Variants in RHBDF2 observed in about 807,000 individuals in gnomAD.
The protein encoded by RHBDF2 is inactive rhomboid protein 2.
A neutral mutation model predicts 95.2 loss-of-function variants in RHBDF2; 38 were observed. That is an observed-to-expected ratio of 0.40 (90% CI 0.31 to 0.52). RHBDF2 has a LOEUF of 0.52. Ranked by LOEUF, RHBDF2 falls within the 20% of genes least tolerant of loss-of-function variation. The probability of loss-of-function intolerance (pLI) is 0.56; values close to 1 mark genes in which losing one functional copy is unlikely to be tolerated. For synonymous variants in RHBDF2, 442 were observed against 462.0 expected (o/e 0.96, Z 0.55); for missense variants, 863 against 1,137.7 (o/e 0.76, Z 3.47).
At chr17:76,481,283 C>G in intron 3 of RHBDF2, 92 bp downstream of exon 3, 1 of 1,407,656 alleles carries the variant, frequency 7.1e-7, no homozygotes, top group Admixed American at 2.1e-5. Context: ...CAGGAAGGAG[C>G]CCCTCTGGGA....
Position 76,472,755 on chromosome 17 carries a change from G to A in RHBDF2, c.1995C>T (p.Ala665=). ...TGATGCCACTGAGGATGAAGATGAT[G>A]GCGATACGGTGCCAGCCGGCCAGCT... ...LEKLAGWHRI[A]IIFILSGITG... Residue 665 remains alanine, a synonymous_variant, in exon 18 of 19, where the codon GCC becomes GCT. Coordinates refer to ENST00000675367, the MANE Select transcript of RHBDF2 (RefSeq NM_001005498.4). 2 of 1,613,816 alleles carry A rather than the reference G, an allele frequency of 1.2e-6. No individual in the cohort carries two copies. Among genetic ancestry groups the A allele is most frequent in the East Asian group, 2.2e-5 (1 of 44,876 alleles).
At chr17:76,488,376 T>C (rs1341011983) in intron 1 of RHBDF2, among the ~76,000 whole-genome samples, 2 of 151,752 alleles carry the variant, frequency 1.3e-5, no homozygotes, top group African/African-American at 4.8e-5. Flanking sequence ...GGTGCACACC[T>C]TTAGTCCCAG....
rs748007655 is a variant in RHBDF2 at position 76,474,126 on chromosome 17, A to G, written c.1481T>C (p.Phe494Ser). 1.9e-6 allele frequency: 3 copies of G among 1,586,302 alleles called. No homozygotes were observed. Among genetic ancestry groups the G allele is most frequent in the South Asian group, 1.1e-5 (1 of 87,628 alleles). Residue 494 changes from phenylalanine to serine, a missense_variant, in exon 13 of 19, where the codon TTT becomes TCT. Phe to Ser is a radical substitution (Grantham distance 155, BLOSUM62 -2). This residue lies in a region of RHBDF2 where 611 missense variants were observed against 725.5 expected (regional missense o/e 0.84). Coordinates refer to ENST00000675367, the MANE Select transcript of RHBDF2 (RefSeq NM_001005498.4). Reference sequence around the variant, plus strand: ...CCCAGTGTCATCCTGCCACTTGACAAAAGTGGCCAAAGTCTCCTGGAGGGC... The same window carrying G: ...CCCAGTGTCATCCTGCCACTTGACAGAAGTGGCCAAAGTCTCCTGGAGGGC... ...RKDCSETLAT[F>S]VKWQDDTGPP... is the part of the protein sequence containing the mutation.
intron 7 of RHBDF2, 56 bp downstream of exon 7, chr17:76,477,601 C>G (rs1001789651): frequency 4.7e-5 from 75 of 1,579,734 alleles, no homozygotes; most frequent in Non-Finnish European, 6.4e-5. Context: ...AAGGTCACCT[C>G]ACCCAGCTCC....
chr17:76,489,323 C>CCG (rs1472057047), intron 1 of RHBDF2, among the ~76,000 whole-genome samples: 1 of 110,534 alleles, frequency 9.0e-6, no homozygotes, highest in Non-Finnish European at 2.0e-5. Flanking sequence ...AGGGGCATTC[C>CCG]TGTTTTTTTT....
At chr17:76,488,496 C>T (rs12453241) in intron 1 of RHBDF2, among the ~76,000 whole-genome samples, 75,324 of 150,682 alleles carry the variant, frequency 0.5, 20,660 homozygotes, top group Middle Eastern at 0.67. Context: ...GGAGACTCTG[C>T]CTCAAAAAAC....
intron 2 of RHBDF2, among the ~76,000 whole-genome samples, chr17:76,484,810 G>A (rs1312371416): frequency 6.6e-6 from 1 of 152,178 alleles, no homozygotes; most frequent in Non-Finnish European, 1.5e-5. Context: ...AAGCTCTGCT[G>A]GGGGTGGGGT....
At chr17:76,473,451 A>C (rs745510100) in intron 15 of RHBDF2, 124 bp from the exon 16 acceptor site, 2 of 1,015,920 alleles carry the variant, frequency 2.0e-6, no homozygotes, top group Non-Finnish European at 3.0e-6. Flanking sequence ...CCGCATCCAG[A>C]ACCTTCGACT....
chr17:76,477,529 C>A lies in RHBDF2; in HGVS notation c.801+128G>T. The A allele has an allele frequency of 4.2e-6, 5 of 1,198,458 alleles. No homozygotes were observed. The South Asian group carries it at 6.9e-5, about 16-fold the overall frequency. 74.2% of individuals were successfully genotyped at this position (1,198,458 alleles called of 1,614,324 possible). A position where few individuals can be genotyped will look rare whatever the true frequency, so the allele number is the denominator to read the frequency against. On this transcript the variant is annotated intron_variant, in intron 7 of 18. Coordinates refer to ENST00000675367, the MANE Select transcript of RHBDF2 (RefSeq NM_001005498.4). ...GGGGCCCAGCAGCTCCACATAGGAC[C>A]ATGCCACATCCCAGCAGTGGGCCTC...
Position 76,471,660 on chromosome 17 carries a change from C to T in RHBDF2, c.2457G>A (p.Lys819=). The T allele has an allele frequency of 6.2e-7, 1 of 1,607,902 alleles. No individual in the cohort carries two copies. The highest frequency in any genetic ancestry group is 8.5e-7 in the Non-Finnish European group (1 of 1,177,134). Residue 819 remains lysine, a synonymous_variant, in exon 19 of 19, where the codon AAG becomes AAA. Coordinates refer to ENST00000675367, the MANE Select transcript of RHBDF2 (RefSeq NM_001005498.4). The stretch of plus-strand genomic sequence containing the variant: ...AGTGCAGCACCTGGTCCAGCTCATA[C>T]TTCTCGCAGAAGCGGCTGGTGAAGG... ...CFPFTSRFCE[K]YELDQVLH
chr17:76,477,315 G>A lies in RHBDF2; in HGVS notation c.802-17C>T. ...CATTTCTTCCTGGGGTGGGGGACAA[G>A]AAAATACAGTGTAAGGAGTCTGTCC... On this transcript the variant is annotated splice_polypyrimidine_tract_variant and intron_variant, in intron 7 of 18. Coordinates refer to ENST00000675367, the MANE Select transcript of RHBDF2 (RefSeq NM_001005498.4). 6.2e-7 allele frequency: 1 copy of A among 1,609,990 alleles called. No individual in the cohort carries two copies. The highest frequency in any genetic ancestry group is 1.3e-5 in the African/African-American group (1 of 74,948).
intron 15 of RHBDF2, 115 bp from the exon 16 acceptor site, chr17:76,473,442 C>A: frequency 3.7e-6 from 4 of 1,069,864 alleles, no homozygotes; most frequent in South Asian, 1.4e-5. Flanking sequence ...AGGGGGATGC[C>A]GCATCCAGAA....
intron 1 of RHBDF2, among the ~76,000 whole-genome samples, chr17:76,500,284 C>T (rs1839252455): frequency 6.6e-6 from 1 of 152,140 alleles, no homozygotes; most frequent in Non-Finnish European, 1.5e-5. Context: ...GTAACAACAA[C>T]ACTCACTTCC....
At chr17:76,485,205 C>T (rs956077620) in intron 2 of RHBDF2, among the ~76,000 whole-genome samples, 1 of 152,016 alleles carries the variant, frequency 6.6e-6, no homozygotes, top group Admixed American at 6.6e-5. Context: ...GTCGGGAGTT[C>T]GAGACCAGCC....
chr17:76,472,383 G>A (rs1201741358), intron 18 of RHBDF2: 14 of 585,556 alleles, frequency 2.4e-5, no homozygotes, highest in East Asian at 2.3e-4. Flanking sequence ...TCAGACTGCC[G>A]ACGGCGCACG....
chr17:76,480,115 C>T (rs2073921076), intron 3 of RHBDF2, among the ~76,000 whole-genome samples: 1 of 91,292 alleles, frequency 1.1e-5, no homozygotes, highest in South Asian at 4.0e-4. Flanking sequence ...TGGAATCTCA[C>T]TGTATTGTCC....
chr17:76,498,450 G>C lies in RHBDF2; in HGVS notation c.-220+2903C>G, dbSNP rs898839707. ...GGGAGAGGCAGCCAGGAGGGCACACGTCTTCCCTGTGCTGTGCCAGCGGCA... is the reference window on the plus strand; with the variant it reads ...GGGAGAGGCAGCCAGGAGGGCACACCTCTTCCCTGTGCTGTGCCAGCGGCA... On this transcript the variant is annotated intron_variant, in intron 1 of 18. Coordinates refer to ENST00000675367, the MANE Select transcript of RHBDF2 (RefSeq NM_001005498.4). Among the ~76,000 whole-genome samples the C allele has an allele frequency of 3.3e-5, 5 of 152,236 alleles. No homozygotes were observed. The South Asian group carries it at 1.0e-3, about 31-fold the overall frequency.
At chr17:76,474,615 A>G (rs1175339128) in intron 11 of RHBDF2, 81 bp from the exon 12 acceptor site, 1 of 1,603,282 alleles carries the variant, frequency 6.2e-7, no homozygotes, top group Non-Finnish European at 8.5e-7. Context: ...TCTGCCCCGC[A>G]GAGTCTCCCC....
Position 76,477,663 on chromosome 17 carries a change from A to G in RHBDF2, c.795T>C (p.Phe265=), listed in dbSNP as rs557022830. 7.9e-5 allele frequency: 127 copies of G among 1,613,770 alleles called. No homozygotes were observed. The highest frequency in any genetic ancestry group is 7.1e-4 in the South Asian group (65 of 91,072). Residue 265 remains phenylalanine, a synonymous_variant, in exon 7 of 19, where the codon TTT becomes TTC. Coordinates refer to ENST00000675367, the MANE Select transcript of RHBDF2 (RefSeq NM_001005498.4). ...TCCCACACCCCATGCTTGCCTTACT[A>G]AAAAAGGAGGAGTCAAACGTGTCTG... ...DGADTFDSSF[F]SKEEMSSMPD... is the part of the protein sequence containing the mutation.
Sources: allele counts gnomAD v4.1 joint callset (sites outside exome capture counted in the v4.1 genomes callset), GRCh38; gene constraint gnomAD v4.1.1; regional missense constraint gnomAD v4.1.1; transcripts MANE v1.5; gene names NCBI Gene and HGNC (gene_info 2026-07-23, HGNC 2026-07-21).